The following ZSWIM5 variants were observed in gnomAD, a reference collection of about 807,000 sequenced individuals.
ZSWIM5 encodes the protein zinc finger SWIM domain-containing protein 5.
A neutral mutation model predicts 119.6 loss-of-function variants in ZSWIM5; 55 were observed. The ratio of observed to expected loss-of-function variants is 0.46; its 90% CI spans 0.37 to 0.58. ZSWIM5 has a LOEUF of 0.58. ZSWIM5 is among the 20% of genes least tolerant of loss of function. The pLI is 0.00. For synonymous variants in ZSWIM5, 537 were observed against 606.9 expected, an observed-to-expected ratio of 0.88 and a Z score of 1.69; for missense variants, 1,193 against 1,512.8, an observed-to-expected ratio of 0.79 and a Z score of 3.51.
At chr1:45,041,722 G>C (rs1307919624) in intron 6 of ZSWIM5, among the ~76,000 whole-genome samples, 1 of 152,096 alleles carries the variant, frequency 6.6e-6, no homozygotes, top group Non-Finnish European at 1.5e-5. Context: ...ATTTTAAGTA[G>C]AGACAGGGTT....
At chr1:45,062,157 C>T (rs190808312) in intron 2 of ZSWIM5, among the ~76,000 whole-genome samples, 238 of 152,260 alleles carry the variant, frequency 1.6e-3, no homozygotes, top group Middle Eastern at 3.4e-3. Context: ...ATTACTAAAA[C>T]TTATTCTGTG....
chr1:45,126,216 T>TG (rs1478716250), intron 1 of ZSWIM5, among the ~76,000 whole-genome samples: 1 of 125,252 alleles, frequency 8.0e-6, no homozygotes, highest in African/African-American at 3.0e-5. Context: ...TCCATGAAAC[T>TG]GAAAAAAAAA....
At chr1:45,104,118 C>T (rs1426945357) in intron 1 of ZSWIM5, among the ~76,000 whole-genome samples, 1 of 152,106 alleles carries the variant, frequency 6.6e-6, no homozygotes, top group African/African-American at 2.4e-5. Context: ...TAAATTAGAC[C>T]TTCTCACTTA....
intron 1 of ZSWIM5, among the ~76,000 whole-genome samples, chr1:45,193,494 C>G (rs1355259730): frequency 6.6e-6 from 1 of 152,072 alleles, no homozygotes; most frequent in Admixed American, 6.6e-5. Flanking sequence ...TAGGAAGAAG[C>G]ATTTCAAGAG....
chr1:45,145,548 TA>T (rs1317429305), intron 1 of ZSWIM5, among the ~76,000 whole-genome samples: 1 of 151,898 alleles, frequency 6.6e-6, no homozygotes, highest in Non-Finnish European at 1.5e-5. Context: ...TTATGCTGAG[TA>T]AAAAAAGCCA....
intron 1 of ZSWIM5, among the ~76,000 whole-genome samples, chr1:45,169,954 C>G (rs1037843909): frequency 3.9e-5 from 6 of 152,060 alleles, no homozygotes; most frequent in Non-Finnish European, 8.8e-5. Flanking sequence ...CATTTTACCT[C>G]TAAGCTAGTG....
rs150618910 is a variant in ZSWIM5 at position 45,095,239 on chromosome 1, C to T, written c.596-7002G>A. Among the ~76,000 whole-genome samples the T allele has an allele frequency of 3.1e-3, 464 of 152,042 alleles. 5 individuals are homozygous for T. Among genetic ancestry groups the T allele is most frequent in the Non-Finnish European group, 4.9e-3 (336 of 67,982 alleles). On this transcript the variant is annotated intron_variant, in intron 1 of 13. Transcript: ENST00000359600. ...ACCTCCTGGGCTCAAGTGAACCTCC[C>T]ACCTCAGCCTCCTGAAAAGTTGGAA...
Position 45,088,168 on chromosome 1 carries a change from G to GC in ZSWIM5, c.664dup (p.Ala222GlyfsTer5). On this transcript the variant is annotated frameshift_variant, in exon 2 of 14. Transcript: ENST00000359600. LOFTEE classifies it high-confidence loss of function. The surrounding 1 kb of genome is among the most constrained non-coding windows in gnomAD (Gnocchi z 4.2). ...GATTTTGCATCGATCAAAACTGATT[G>GC]CAACTTTATAAGTCACTGCTGGTTC... The GC allele has an allele frequency of 1.2e-6, 2 of 1,614,140 alleles. No individual in the cohort carries two copies. Among genetic ancestry groups the GC allele is most frequent in the Non-Finnish European group, 1.7e-6 (2 of 1,180,026 alleles).
At chr1:45,091,107 T>C (rs1645361741) in intron 1 of ZSWIM5, among the ~76,000 whole-genome samples, 1 of 152,214 alleles carries the variant, frequency 6.6e-6, no homozygotes, top group South Asian at 2.1e-4. Context: ...CCTACAGATG[T>C]ATTACTAATG....
intron 1 of ZSWIM5, among the ~76,000 whole-genome samples, chr1:45,156,083 G>T (rs1370928939): frequency 6.6e-6 from 1 of 151,782 alleles, no homozygotes; most frequent in African/African-American, 2.4e-5. Flanking sequence ...CAGAAAAAAA[G>T]AAAACATGGT....
intron 1 of ZSWIM5, among the ~76,000 whole-genome samples, chr1:45,193,517 G>A (rs1230052425): frequency 6.6e-6 from 1 of 152,084 alleles, no homozygotes; most frequent in East Asian, 1.9e-4. Context: ...ATGTATAGTA[G>A]ACTACAGAAA....
At chr1:45,055,009 T>A (rs1162250432) in intron 4 of ZSWIM5, among the ~76,000 whole-genome samples, 1 of 152,012 alleles carries the variant, frequency 6.6e-6, no homozygotes, top group Non-Finnish European at 1.5e-5. Context: ...GTATTTTTTT[T>A]AAGATGGAGT....
At chr1:45,126,553 C>T (rs1645623137) in intron 1 of ZSWIM5, among the ~76,000 whole-genome samples, 1 of 152,026 alleles carries the variant, frequency 6.6e-6, no homozygotes, top group Non-Finnish European at 1.5e-5. Flanking sequence ...CTCAAAACTC[C>T]CAAGGGAAAT....
chr1:45,180,601 G>A (rs1447055836), intron 1 of ZSWIM5, among the ~76,000 whole-genome samples: 2 of 152,266 alleles, frequency 1.3e-5, no homozygotes, highest in Admixed American at 6.5e-5. Flanking sequence ...GCACGCAGCT[G>A]GAGATCTGAG....
intron 11 of ZSWIM5, among the ~76,000 whole-genome samples, chr1:45,031,701 G>A (rs568651830): frequency 2.6e-4 from 39 of 152,024 alleles, no homozygotes; most frequent in Non-Finnish European, 3.7e-4. Flanking sequence ...TTAGCCGGGC[G>A]TGGTGGCGGG....
At chr1:45,107,471 T>C (rs979195523) in intron 1 of ZSWIM5, among the ~76,000 whole-genome samples, 1 of 151,488 alleles carries the variant, frequency 6.6e-6, no homozygotes, top group Non-Finnish European at 1.5e-5. Context: ...ATCCTGTCTC[T>C]ACTAAAAAAA....
intron 2 of ZSWIM5, among the ~76,000 whole-genome samples, chr1:45,073,063 T>C (rs1645233355): frequency 1.3e-5 from 2 of 151,888 alleles, no homozygotes; most frequent in South Asian, 4.1e-4. Flanking sequence ...ACATGGAATA[T>C]CTTTCCATTT....
intron 1 of ZSWIM5, among the ~76,000 whole-genome samples, chr1:45,125,604 T>C (rs1021977033): frequency 6.0e-5 from 9 of 151,096 alleles, no homozygotes; most frequent in Non-Finnish European, 1.2e-4. Context: ...TGAAACCCTG[T>C]CTCTACTAAA....
chr1:45,109,991 G>A (rs2149022909), intron 1 of ZSWIM5, among the ~76,000 whole-genome samples: 1 of 152,072 alleles, frequency 6.6e-6, no homozygotes, highest in South Asian at 2.1e-4. Context: ...CAGCCTCCCA[G>A]CAAGCTGGGA....
Sources: gnomAD v4.1 joint callset for allele counts (sites outside exome capture counted in the v4.1 genomes callset) on GRCh38, gnomAD v4.1.1 for gene constraint, Gnocchi (gnomAD v3.1) non-coding constraint, MANE v1.5 for transcripts, NCBI Gene and HGNC (gene_info 2026-07-23, HGNC 2026-07-21) for gene names.